Variants in KCNMA1 observed in about 807,000 individuals in gnomAD.
KCNMA1 encodes potassium calcium-activated channel subfamily M alpha 1, also known as Calcium-activated potassium channel subunit alpha-1.
KCNMA1 carries 29 observed loss-of-function variants against 140.0 expected under a neutral mutation model. The ratio of observed to expected loss-of-function variants is 0.21; its 90% CI spans 0.15 to 0.28. KCNMA1 has a LOEUF of 0.28. Ranked by LOEUF, KCNMA1 falls within the 10% of genes least tolerant of loss-of-function variation. The pLI is 1.00. For synonymous variants in KCNMA1, 612 were observed against 611.9 expected (o/e 1.00, Z 0.00); for missense variants, 880 against 1,602.2 (o/e 0.55, Z 7.70).
At chr10:77,164,441 C>T (rs1267351371) in intron 5 of KCNMA1, among the ~76,000 whole-genome samples, 1 of 152,128 alleles carries the variant, frequency 6.6e-6, no homozygotes, top group South Asian at 2.1e-4. Flanking sequence ...AGTTTCAAGG[C>T]AGGTGGCTAT....
chr10:76,929,553 T>A (rs1042539799), intron 23 of KCNMA1, among the ~76,000 whole-genome samples: 1 of 152,226 alleles, frequency 6.6e-6, no homozygotes, highest in East Asian at 1.9e-4. Flanking sequence ...ATTCTATAAA[T>A]AAATTTCCAA....
intron 1 of KCNMA1, among the ~76,000 whole-genome samples, chr10:77,459,995 T>C (rs1000451212): frequency 7.2e-5 from 11 of 152,192 alleles, no homozygotes; most frequent in Admixed American, 2.0e-4. Flanking sequence ...TAGCAAATAT[T>C]CTATGGCATT....
At chr10:77,023,535 G>C (rs2093092038) in intron 16 of KCNMA1, among the ~76,000 whole-genome samples, 1 of 152,110 alleles carries the variant, frequency 6.6e-6, no homozygotes, top group African/African-American at 2.4e-5. Flanking sequence ...AACCATTTAG[G>C]GTTTCCATTC....
chr10:77,563,492 C>T (rs949990740), intron 1 of KCNMA1, among the ~76,000 whole-genome samples: 2 of 152,124 alleles, frequency 1.3e-5, no homozygotes, highest in Non-Finnish European at 2.9e-5. Context: ...TGACAGGTCT[C>T]CTGACTGCCC....
intron 2 of KCNMA1, among the ~76,000 whole-genome samples, chr10:77,394,604 C>A (rs918399214): frequency 4.6e-5 from 7 of 152,180 alleles, no homozygotes; most frequent in Admixed American, 3.3e-4. Context: ...ATATGTTCAC[C>A]CCAGCTGGGA....
intron 2 of KCNMA1, among the ~76,000 whole-genome samples, chr10:77,378,458 A>T (rs775655078): frequency 6.6e-6 from 1 of 152,218 alleles, no homozygotes; most frequent in Non-Finnish European, 1.5e-5. Context: ...ACTCTGCCAC[A>T]TTCTGCATTT....
At chr10:77,200,491 G>A (rs757310166) in intron 3 of KCNMA1, among the ~76,000 whole-genome samples, 1 of 152,140 alleles carries the variant, frequency 6.6e-6, no homozygotes, top group Non-Finnish European at 1.5e-5. Flanking sequence ...GCCTGCTGCT[G>A]TCAGAGTTCT....
intron 17 of KCNMA1, chr10:77,012,591 G>A: frequency 6.6e-7 from 1 of 1,520,006 alleles, no homozygotes; most frequent in Non-Finnish European, 8.9e-7. Context: ...CCACGAGTCA[G>A]TGGGTTCCTC....
intron 5 of KCNMA1, among the ~76,000 whole-genome samples, chr10:77,154,388 T>C (rs1277635151): frequency 6.6e-6 from 1 of 152,228 alleles, no homozygotes; most frequent in African/African-American, 2.4e-5. Context: ...TCCAGCACTG[T>C]GCAGCCACCA....
intron 3 of KCNMA1, among the ~76,000 whole-genome samples, chr10:77,205,128 G>C (rs994245803): frequency 6.6e-6 from 1 of 152,070 alleles, no homozygotes; most frequent in Non-Finnish European, 1.5e-5. Flanking sequence ...CAGGGTAATG[G>C]GTCTGTTACT....
chr10:77,456,932 G>A (rs924666811), intron 1 of KCNMA1, among the ~76,000 whole-genome samples: 6 of 152,210 alleles, frequency 3.9e-5, no homozygotes, highest in African/African-American at 1.2e-4. Flanking sequence ...TGAGCCCTGA[G>A]ACTTCCCATG....
At chr10:77,167,298 A>T (rs2098653995) in intron 5 of KCNMA1, among the ~76,000 whole-genome samples, 1 of 152,164 alleles carries the variant, frequency 6.6e-6, no homozygotes, top group African/African-American at 2.4e-5. Context: ...GCCACAAATG[A>T]CAGGGTTTCA....
At chr10:77,467,436 G>A (rs1318751361) in intron 1 of KCNMA1, among the ~76,000 whole-genome samples, 1 of 152,156 alleles carries the variant, frequency 6.6e-6, no homozygotes, top group East Asian at 1.9e-4. Context: ...GATCCCAAGG[G>A]ACTCCAGGGT....
At chr10:77,597,094 T>C (rs751470325) in intron 1 of KCNMA1, among the ~76,000 whole-genome samples, 12 of 152,244 alleles carry the variant, frequency 7.9e-5, no homozygotes, top group Non-Finnish European at 1.5e-4. Flanking sequence ...AACACCAGCA[T>C]GAAAGGCAAC....
At chr10:77,577,474 T>C (rs575816580) in intron 1 of KCNMA1, among the ~76,000 whole-genome samples, 9 of 152,220 alleles carry the variant, frequency 5.9e-5, no homozygotes, top group African/African-American at 2.2e-4. Context: ...AAGATCCAGG[T>C]TTCTATGCAA....
chr10:77,015,419 G>A (rs544548258), intron 17 of KCNMA1, among the ~76,000 whole-genome samples: 19 of 152,132 alleles, frequency 1.2e-4, no homozygotes, highest in Non-Finnish European at 2.1e-4. Flanking sequence ...GCCATCCCTT[G>A]TTGGTTTTCC....
intron 3 of KCNMA1, chr10:77,217,367 G>T: frequency 3.5e-6 from 1 of 282,388 alleles, no homozygotes; most frequent in Non-Finnish European, 7.4e-6. Flanking sequence ...TGTTTCCTCT[G>T]TCAGCTTTAG....
At chr10:77,046,038 T>C (rs1271644712) in intron 14 of KCNMA1, among the ~76,000 whole-genome samples, 3 of 152,206 alleles carry the variant, frequency 2.0e-5, no homozygotes, top group Non-Finnish European at 2.9e-5. Flanking sequence ...ATGACCATTA[T>C]GTTAATAGCT....
rs115167539 is a variant in KCNMA1 at position 76,885,823 on chromosome 10, C to T, written c.*1443G>A. ...GTATTTTTCTACCTCTCCTCTCATG[C>T]TTACTAAGTGTTAAAAAAGAAAGAA... On this transcript the variant is annotated 3_prime_UTR_variant, in exon 28 of 28. Coordinates refer to ENST00000286628, the MANE Select transcript of KCNMA1 (RefSeq NM_001161352.2). 8.8e-5 allele frequency: 87 copies of T among 984,880 alleles called. No homozygotes were observed. In the African/African-American group the frequency reaches 1.5e-3, roughly 16 times the overall value. The allele number at this position is 984,880 out of a possible 1,614,324, so 61.0% of individuals were successfully genotyped here.
Sources: allele counts gnomAD v4.1 joint callset (sites outside exome capture counted in the v4.1 genomes callset), GRCh38; gene constraint gnomAD v4.1.1; transcripts MANE v1.5; gene names NCBI Gene and HGNC (gene_info 2026-07-23, HGNC 2026-07-21).